The following ENTPD5 variants were observed in gnomAD, a reference collection of about 807,000 sequenced individuals.
ENTPD5 encodes nucleoside diphosphate phosphatase ENTPD5.
A neutral mutation model predicts 60.2 loss-of-function variants in ENTPD5; 49 were observed. The ratio of observed to expected loss-of-function variants is 0.81; its 90% CI spans 0.65 to 1.03. The LOEUF is 1.03. ENTPD5 is among the 50% of genes least tolerant of loss of function. The pLI, the probability that ENTPD5 is intolerant of heterozygous loss-of-function variation, is 0.00. For missense variants in ENTPD5, 480 were observed against 507.6 expected (o/e 0.95, Z 0.52); for synonymous variants, 187 against 185.4 (o/e 1.01, Z -0.07).
intron 11 of ENTPD5, 145 bp from the exon 12 acceptor site, chr14:73,974,123 T>C: frequency 1.5e-6 from 1 of 668,230 alleles, no homozygotes. Context: ...CAACATCCTG[T>C]GACAGGAATC....
intron 13 of ENTPD5, 43 bp downstream of exon 13, chr14:73,972,841 C>T (rs548360013): frequency 6.2e-7 from 1 of 1,608,116 alleles, no homozygotes; most frequent in African/African-American, 1.3e-5. Context: ...CACCACAGCC[C>T]TATCCACCTT....
intron 4 of ENTPD5, chr14:73,987,164 C>CA (rs769769590): frequency 3.6e-5 from 25 of 701,654 alleles, no homozygotes; most frequent in Non-Finnish European, 6.5e-5. Context: ...AAAACACTGA[C>CA]AATTCAGAAA....
At chr14:74,016,512 T>C (rs745717039) in intron 1 of ENTPD5, among the ~76,000 whole-genome samples, 24 of 152,044 alleles carry the variant, frequency 1.6e-4, no homozygotes, top group Non-Finnish European at 2.8e-4. Flanking sequence ...GGTGCATGCC[T>C]ACAGTCCCAG....
At position 74,008,673 on chromosome 14, in the gene ENTPD5, GCATGAGCCACTGCGCCT is replaced by G. The variant is rs112285714; in HGVS notation, c.-71+2401_-71+2417del. On this transcript the variant is annotated intron_variant, in intron 3 of 15. Transcript: ENST00000334696. ...GCCTCCCAAAGTGCTGGGATTACAG[GCATGAGCCACTGCGCCT>G]GGCCTAGACTTTTATTTTTTCTTTC... Among the ~76,000 whole-genome samples the G allele has an allele frequency of 2.0e-3, 303 of 152,256 alleles. 2 individuals are homozygous for G. Among genetic ancestry groups the G allele is most frequent in the African/African-American group, 7.0e-3 (289 of 41,556 alleles).
rs372466636 is a variant in ENTPD5 at position 73,967,004 on chromosome 14, T to A, written c.1211A>T (p.Lys404Ile). ...CCAGCCCGTCTCTATGTTGTTCACT[T>A]TCTTTGTGAGCTGTTGAGAAGAAAA... ...ADSTVLQLTK[K>I]VNNIETGWAL... The change falls in exon 16 of 16, where the codon AAA (lysine) becomes ATA (isoleucine). Residue 404 changes from lysine (K) to isoleucine (I), a missense_variant. Coordinates refer to ENST00000334696, the MANE Select transcript of ENTPD5 (RefSeq NM_001249.5). The A allele has an allele frequency of 1.1e-5, 17 of 1,613,886 alleles. No homozygotes were observed. In the African/African-American group the frequency reaches 1.7e-4, roughly 16 times the overall value.
At chr14:73,979,938 C>T (rs945370078) in intron 6 of ENTPD5, among the ~76,000 whole-genome samples, 1 of 148,582 alleles carries the variant, frequency 6.7e-6, no homozygotes, top group Non-Finnish European at 1.5e-5. Flanking sequence ...TCCTTTTTTG[C>T]CATGATTTTT....
At chr14:73,989,886 A>G (rs967901150) in intron 3 of ENTPD5, among the ~76,000 whole-genome samples, 1 of 150,282 alleles carries the variant, frequency 6.7e-6, no homozygotes, top group Admixed American at 6.7e-5. Context: ...AGGTGCCTGT[A>G]ATCCCAGCTA....
In ENTPD5 at chr14:73,973,653, T is replaced by C. The variant is rs1183150113; in HGVS notation, c.886+224A>G. Reference sequence around the variant, plus strand: ...ATAGATGTGCACCACAGCACTTGGCTAAGGGCAGGTATCTAATGGGTCCAT... The same window carrying C: ...ATAGATGTGCACCACAGCACTTGGCCAAGGGCAGGTATCTAATGGGTCCAT... On this transcript the variant is annotated intron_variant, in intron 12 of 15. Coordinates refer to ENST00000334696, the MANE Select transcript of ENTPD5 (RefSeq NM_001249.5). Among the ~76,000 whole-genome samples the C allele has an allele frequency of 2.0e-5, 3 of 152,284 alleles. No homozygotes were observed. The East Asian group carries it at 5.8e-4, about 29-fold the overall frequency.
chr14:73,995,205 C>T (rs934113322), intron 3 of ENTPD5, among the ~76,000 whole-genome samples: 1 of 151,934 alleles, frequency 6.6e-6, no homozygotes, highest in African/African-American at 2.4e-5. Context: ...TGTGCCGCCG[C>T]GCCTGGCTAA....
chr14:73,961,315 T>C (rs763717145), downstream of ENTPD5: 2 of 1,614,210 alleles, frequency 1.2e-6, no homozygotes, highest in East Asian at 2.2e-5. Context: ...AGCCGAGTTC[T>C]GTTTCCTCTT....
intron 3 of ENTPD5, among the ~76,000 whole-genome samples, chr14:74,001,244 T>G (rs2058496048): frequency 6.6e-6 from 1 of 152,108 alleles, no homozygotes; most frequent in South Asian, 2.1e-4. Context: ...GGCTCATGCC[T>G]GTAATCCCAG....
rs17094434 is a variant in ENTPD5, at chr14:73,972,970, T to C, written c.941A>G (p.Lys314Arg). 1.1e-3 allele frequency: 1,850 copies of C among 1,614,204 alleles called. 27 individuals are homozygous for C. In the African/African-American group the frequency reaches 0.022, roughly 19 times the overall value. Reference protein sequence around the residue: ...YAEVLRVVRGKLHQPEEVQRG... With the variant: ...YAEVLRVVRGRLHQPEEVQRG... ...CTGGACCTCCTCTGGCTGGTGAAGT[T>C]TTCCTCGTACCACCCTCAGCACTTC... The change falls in exon 13 of 16, where the codon AAA becomes AGA. Residue 314 changes from lysine (K) to arginine (R), a missense_variant. Transcript: ENST00000334696.
intron 7 of ENTPD5, 52 bp downstream of exon 7, chr14:73,977,247 T>C: frequency 6.2e-6 from 9 of 1,459,406 alleles, no homozygotes; most frequent in Non-Finnish European, 8.6e-6. Context: ...AGTTAGATCT[T>C]TCACTGATCC....
intron 15 of ENTPD5, 66 bp downstream of exon 15, chr14:73,969,944 G>A: frequency 8.9e-7 from 1 of 1,117,760 alleles, no homozygotes; most frequent in South Asian, 1.2e-5. Context: ...TACTGAACAA[G>A]CTCTTACTCC....
intron 13 of ENTPD5, 28 bp downstream of exon 13, chr14:73,972,856 T>G (rs1399834710): frequency 6.2e-7 from 1 of 1,612,568 alleles, no homozygotes; most frequent in Non-Finnish European, 8.5e-7. Flanking sequence ...CACCTTCCTC[T>G]CTGGACTGAC....
chr14:74,005,359 G>A (rs1472791161), intron 3 of ENTPD5, among the ~76,000 whole-genome samples: 2 of 28,572 alleles, frequency 7.0e-5, no homozygotes, highest in Admixed American at 7.7e-4. Flanking sequence ...AGCAAGACTC[G>A]GTCTCAAAAA....
chr14:73,975,595 G>T (rs1454382701), intron 10 of ENTPD5, among the ~76,000 whole-genome samples: 1 of 151,892 alleles, frequency 6.6e-6, no homozygotes, highest in East Asian at 1.9e-4. Context: ...GTAGAGACGG[G>T]GTTTCACCAT....
chr14:74,007,803 A>G (rs1464286130), intron 3 of ENTPD5: 1 of 150,860 alleles, frequency 6.6e-6, no homozygotes, highest in Non-Finnish European at 1.5e-5. Context: ...CCTCGGTGAC[A>G]GAGTGAGACC....
chr14:73,968,744 A>C (rs1053645496), intron 15 of ENTPD5, among the ~76,000 whole-genome samples: 1 of 152,144 alleles, frequency 6.6e-6, no homozygotes. Flanking sequence ...GATATTCTAC[A>C]TAAGTTTTTG....
Sources: allele counts gnomAD v4.1 joint callset (sites outside exome capture counted in the v4.1 genomes callset), GRCh38; gene constraint gnomAD v4.1.1; transcripts MANE v1.5; gene names NCBI Gene and HGNC (gene_info 2026-07-23, HGNC 2026-07-21).